APBB2: variants seen among roughly 807,000 people sequenced by gnomAD.
The protein encoded by APBB2 is amyloid beta precursor protein binding family B member 2.
APBB2 carries 38 observed loss-of-function variants against 82.5 expected under a neutral mutation model. That is an observed-to-expected ratio of 0.46 (90% CI 0.36 to 0.60). The LOEUF (loss-of-function observed/expected upper bound fraction) is 0.60, where lower values mean the gene tolerates loss of function less well. Among genes scored for constraint, APBB2 ranks in the 20% least tolerant of loss-of-function variants. The probability of loss-of-function intolerance (pLI) is 0.00; values close to 1 mark genes in which losing one functional copy is unlikely to be tolerated. For missense variants in APBB2, 772 were observed against 972.3 expected (o/e 0.79, Z 2.74); for synonymous variants, 341 against 368.2 (o/e 0.93, Z 0.85).
At chr4:41,053,521 G>T (rs1726806480) in intron 4 of APBB2, among the ~76,000 whole-genome samples, 1 of 152,126 alleles carries the variant, frequency 6.6e-6, no homozygotes, top group Admixed American at 6.5e-5. Flanking sequence ...GCCACAAGAA[G>T]TTTGAAAAGT....
At chr4:40,910,137 T>TG (rs1051990874) in intron 10 of APBB2, among the ~76,000 whole-genome samples, 4 of 151,510 alleles carry the variant, frequency 2.6e-5, no homozygotes, top group African/African-American at 4.9e-5. Flanking sequence ...TTTTTTTTTT[T>TG]TTGTAATTTT....
chr4:41,028,123 T>A (rs1715207444), intron 5 of APBB2, among the ~76,000 whole-genome samples: 1 of 152,246 alleles, frequency 6.6e-6, no homozygotes. Context: ...AGCCTTCCCC[T>A]ACACCCATTC....
chr4:41,082,478 T>G (rs968530980), intron 3 of APBB2, among the ~76,000 whole-genome samples: 3 of 152,162 alleles, frequency 2.0e-5, no homozygotes, highest in Non-Finnish European at 4.4e-5. Flanking sequence ...AGTGTTATAA[T>G]AGCAGCTGTT....
At position 40,973,839 on chromosome 4, in the gene APBB2, G is replaced by A. The variant is rs538471071; in HGVS notation, c.836-28766C>T. 4.4e-4 allele frequency among the ~76,000 whole-genome samples: 64 copies of A among 146,964 alleles called. 1 individual carries two copies. The South Asian group carries it at 9.3e-3, about 21-fold the overall frequency. ...TTCTCTTTCTTCTGTGTGTGTGTCTGTCTCCAAATTTCCTTTTTTTTTTTT... is the reference window on the plus strand; with the variant it reads ...TTCTCTTTCTTCTGTGTGTGTGTCTATCTCCAAATTTCCTTTTTTTTTTTT... On this transcript the variant is annotated intron_variant, in intron 6 of 17. Transcript: ENST00000508593.
intron 6 of APBB2, among the ~76,000 whole-genome samples, chr4:40,989,654 G>T (rs1324592699): frequency 6.6e-6 from 1 of 152,024 alleles, no homozygotes; most frequent in Non-Finnish European, 1.5e-5. Context: ...AATTTATCAT[G>T]ATGTGCAGAG....
intron 1 of APBB2, among the ~76,000 whole-genome samples, chr4:41,158,376 T>C (rs77741509): frequency 0.051 from 7,707 of 152,310 alleles, 279 homozygotes; most frequent in Non-Finnish European, 0.072. Flanking sequence ...TAAGAGGCTA[T>C]GCCCAAACGG....
chr4:41,066,187 C>T (rs1002992699), intron 3 of APBB2, among the ~76,000 whole-genome samples: 3 of 108,644 alleles, frequency 2.8e-5, no homozygotes, highest in East Asian at 2.4e-4. Flanking sequence ...AATGCACACA[C>T]GACAATGGAC....
chr4:40,866,135 T>C (rs1763989634), intron 12 of APBB2, among the ~76,000 whole-genome samples: 1 of 152,194 alleles, frequency 6.6e-6, no homozygotes, highest in Non-Finnish European at 1.5e-5. Context: ...ACACTTCTGT[T>C]CACACAAAAA....
intron 2 of APBB2, among the ~76,000 whole-genome samples, chr4:41,141,348 CTGTG>C (rs1292888748): frequency 1.2e-5 from 1 of 84,330 alleles, no homozygotes; most frequent in Non-Finnish European, 2.6e-5. Context: ...GTGTGTGTGT[CTGTG>C]TGTCTGTGTG....
intron 1 of APBB2, among the ~76,000 whole-genome samples, chr4:41,198,413 T>C: frequency 6.6e-6 from 1 of 152,246 alleles, no homozygotes; most frequent in Admixed American, 6.5e-5. Context: ...CTTTTAGCTT[T>C]GAAACAATTG....
intron 12 of APBB2, among the ~76,000 whole-genome samples, chr4:40,875,074 G>A (rs936166393): frequency 1.3e-5 from 2 of 152,214 alleles, no homozygotes; most frequent in African/African-American, 4.8e-5. Flanking sequence ...TGGCTCAGCT[G>A]TGCTGCCTGG....
chr4:40,999,413 A>G (rs1804539673), intron 6 of APBB2, among the ~76,000 whole-genome samples: 1 of 152,220 alleles, frequency 6.6e-6, no homozygotes, highest in Admixed American at 6.5e-5. Context: ...ACTGGACTCT[A>G]GCCTGGGCAA....
chr4:41,146,955 G>A (rs1033185743), intron 1 of APBB2, among the ~76,000 whole-genome samples: 17 of 152,274 alleles, frequency 1.1e-4, no homozygotes, highest in African/African-American at 3.1e-4. Context: ...GAAGTCAGGC[G>A]CTGGGTGAAA....
chr4:40,957,196 C>T (rs1345660168), intron 6 of APBB2, among the ~76,000 whole-genome samples: 1 of 152,214 alleles, frequency 6.6e-6, no homozygotes, highest in Non-Finnish European at 1.5e-5. Flanking sequence ...TCAATTGCTA[C>T]ATTCATATGT....
intron 6 of APBB2, among the ~76,000 whole-genome samples, chr4:40,964,755 C>CACACACACACACACACACAT (rs1794199387): frequency 6.6e-6 from 1 of 151,616 alleles, no homozygotes; most frequent in Non-Finnish European, 1.5e-5. Flanking sequence ...ATTGAATAAA[C>CACACACACACACACACACAT]ACACACACAC....
At chr4:40,824,026 C>A (rs992180418) in intron 15 of APBB2, among the ~76,000 whole-genome samples, 3 of 152,102 alleles carry the variant, frequency 2.0e-5, no homozygotes, top group Non-Finnish European at 4.4e-5. Flanking sequence ...ACGGTGAAAC[C>A]CTGTCTCTAC....
intron 12 of APBB2, among the ~76,000 whole-genome samples, chr4:40,866,067 G>A (rs569462727): frequency 2.4e-4 from 37 of 152,306 alleles, no homozygotes; most frequent in African/African-American, 8.2e-4. Context: ...AAACTTAAGC[G>A]TGCTGTCACC....
rs887109611 is a variant in APBB2 at position 40,813,339 on chromosome 4, T to C, written c.*2753A>G. ...TTTAAGCTGTATTTAACAGGTTAATTAAAAATATGGTAAGACATAGAAGGC... is the reference window on the plus strand; with the variant it reads ...TTTAAGCTGTATTTAACAGGTTAATCAAAAATATGGTAAGACATAGAAGGC... On this transcript the variant is annotated 3_prime_UTR_variant, in exon 18 of 18. Transcript: ENST00000508593. 1.3e-5 allele frequency: 2 copies of C among 152,150 alleles called. No homozygotes were observed. Among genetic ancestry groups the C allele is most frequent in the African/African-American group, 4.8e-5 (2 of 41,446 alleles). The allele number at this position is 152,150 out of a possible 1,614,324, so 9.4% of individuals were successfully genotyped here. A position where few individuals can be genotyped will look rare whatever the true frequency, so the allele number is the denominator to read the frequency against.
intron 7 of APBB2, 80 bp from the exon 8 acceptor site, chr4:40,935,219 A>T: frequency 9.7e-7 from 1 of 1,029,960 alleles, no homozygotes; most frequent in African/African-American, 1.6e-5. Context: ...AAAAAACACA[A>T]GACACTGTTG....
Sources: allele counts gnomAD v4.1 joint callset (sites outside exome capture counted in the v4.1 genomes callset), GRCh38; gene constraint gnomAD v4.1.1; transcripts MANE v1.5; gene names NCBI Gene and HGNC (gene_info 2026-07-23, HGNC 2026-07-21).